The following ELF2 variants were observed in gnomAD, a reference collection of about 807,000 sequenced individuals.
The protein encoded by ELF2 is ETS-related transcription factor Elf-2.
ELF2 carries 11 observed loss-of-function variants against 54.8 expected under a neutral mutation model. The observed-to-expected ratio is 0.20, with a 90% CI of 0.13 to 0.33. The LOEUF is 0.33. Ranked by LOEUF, ELF2 falls within the 10% of genes least tolerant of loss-of-function variation. ELF2 has a pLI of 1.00. For missense variants in ELF2, 513 were observed against 703.0 expected, an observed-to-expected ratio of 0.73 and a Z score of 3.06; for synonymous variants, 203 against 245.1, an observed-to-expected ratio of 0.83 and a Z score of 1.61.
chr4:139,127,964 CAAAA>C (rs1174310299), intron 3 of ELF2, among the ~76,000 whole-genome samples: 1 of 76,828 alleles, frequency 1.3e-5, no homozygotes. Context: ...GACTCGGTCT[CAAAA>C]AAAAAAAAAA....
intron 1 of ELF2, among the ~76,000 whole-genome samples, chr4:139,146,642 A>T (rs1739248542): frequency 6.6e-6 from 1 of 152,258 alleles, no homozygotes; most frequent in Non-Finnish European, 1.5e-5. Flanking sequence ...GGCTATAGTT[A>T]ACAAAACAGC....
At chr4:139,096,161 A>C (rs570321594) in intron 4 of ELF2, among the ~76,000 whole-genome samples, 32 of 150,144 alleles carry the variant, frequency 2.1e-4, no homozygotes, top group East Asian at 7.9e-4. Flanking sequence ...AGTTTGACCC[A>C]AAAAAAAAAT....
chr4:139,170,984 G>A (rs565643727), intron 1 of ELF2, among the ~76,000 whole-genome samples: 1 of 152,000 alleles, frequency 6.6e-6, no homozygotes, highest in African/African-American at 2.4e-5. Flanking sequence ...GACCTCAGGT[G>A]ATCCACCCAC....
At chr4:139,063,004 CCAGCACT>C (rs1728108736) in intron 7 of ELF2, among the ~76,000 whole-genome samples, 1 of 152,108 alleles carries the variant, frequency 6.6e-6, no homozygotes, top group Non-Finnish European at 1.5e-5. Context: ...ACCTGTAATC[CCAGCACT>C]TTGGGAGGCC....
rs557660280 is a variant in ELF2 at position 139,075,140 on chromosome 4, C to T, written c.239-1573G>A. On this transcript the variant is annotated intron_variant, in intron 4 of 9. Transcript: ENST00000686138. ...AAATTCTACCACGCTTTGTATCTCT[C>T]CTCTTCTAGCACTTCCTTTATGCTT... Among the ~76,000 whole-genome samples the T allele has an allele frequency of 4.6e-5, 7 of 152,314 alleles. No individual in the cohort carries two copies. The East Asian group carries it at 1.4e-3, about 29-fold the overall frequency.
At chr4:139,137,181 G>C (rs1024298691) in intron 3 of ELF2, 1 of 155,252 alleles carries the variant, frequency 6.4e-6, no homozygotes, top group Non-Finnish European at 1.4e-5. Context: ...GTGTTTAAAT[G>C]AGATTAAAAT....
At chr4:139,150,068 A>T (rs1170190559) in intron 1 of ELF2, among the ~76,000 whole-genome samples, 1 of 152,030 alleles carries the variant, frequency 6.6e-6, no homozygotes, top group Non-Finnish European at 1.5e-5. Context: ...GGCCAGGCAC[A>T]GTGGCTCACG....
chr4:139,086,063 AAGTT>A (rs1357897466), intron 4 of ELF2, among the ~76,000 whole-genome samples: 3 of 152,356 alleles, frequency 2.0e-5, no homozygotes, highest in Admixed American at 2.0e-4. Context: ...GTTATAAAAA[AAGTT>A]AAATCCATTT....
chr4:139,166,480 A>C (rs1364524490), intron 1 of ELF2, among the ~76,000 whole-genome samples: 2 of 152,218 alleles, frequency 1.3e-5, no homozygotes, highest in Non-Finnish European at 2.9e-5. Context: ...ATACATTTCT[A>C]ATAACTTTAA....
At chr4:139,121,163 C>T (rs950338864) in intron 4 of ELF2, among the ~76,000 whole-genome samples, 3 of 121,674 alleles carry the variant, frequency 2.5e-5, no homozygotes, top group East Asian at 4.9e-4. Context: ...GGCTGGAGTG[C>T]AGTGGCGCGA....
chr4:139,084,463 T>G (rs928335910), intron 4 of ELF2: 67 of 652,626 alleles, frequency 1.0e-4, no homozygotes, highest in Middle Eastern at 1.3e-3. Flanking sequence ...CGGCGGCGGC[T>G]GTGGCTGTGG....
At chr4:139,093,015 G>C (rs1288328778) in intron 4 of ELF2, among the ~76,000 whole-genome samples, 1 of 149,530 alleles carries the variant, frequency 6.7e-6, no homozygotes, top group Non-Finnish European at 1.5e-5. Context: ...GCCCAGGTTG[G>C]AGTGCAGTGG....
At chr4:139,073,651 TC>T in intron 4 of ELF2, 84 bp from the exon 5 acceptor site, 1 of 645,568 alleles carries the variant, frequency 1.5e-6, no homozygotes, top group East Asian at 3.2e-5. Context: ...ACATATTCAC[TC>T]CTGAAAGAGA....
intron 4 of ELF2, among the ~76,000 whole-genome samples, chr4:139,113,222 G>A (rs575062327): frequency 2.0e-5 from 3 of 152,188 alleles, no homozygotes; most frequent in East Asian, 1.9e-4. Context: ...GCTGAGTGTC[G>A]TGGCATTTGC....
intron 4 of ELF2, chr4:139,115,248 G>T: frequency 6.2e-7 from 1 of 1,609,040 alleles, no homozygotes; most frequent in Non-Finnish European, 8.5e-7. Flanking sequence ...CGTCCGCGCC[G>T]CCCGGGCCCT....
At chr4:139,082,883 A>T (rs1217564823) in intron 4 of ELF2, among the ~76,000 whole-genome samples, 1 of 152,214 alleles carries the variant, frequency 6.6e-6, no homozygotes, top group Non-Finnish European at 1.5e-5. Context: ...TCTGCTATTA[A>T]GCAAAGCTGC....
At chr4:139,129,871 A>G (rs1412050289) in intron 3 of ELF2, among the ~76,000 whole-genome samples, 1 of 152,208 alleles carries the variant, frequency 6.6e-6, no homozygotes, top group African/African-American at 2.4e-5. Flanking sequence ...GGAAAGTTTA[A>G]CAAATTAAAC....
chr4:139,151,074 A>AAG (rs1209062793), intron 1 of ELF2, among the ~76,000 whole-genome samples: 2 of 130,894 alleles, frequency 1.5e-5, no homozygotes, highest in African/African-American at 5.3e-5. Context: ...GAAAGAAAGA[A>AAG]AGAAAGAAAG....
intron 4 of ELF2, among the ~76,000 whole-genome samples, chr4:139,082,376 A>T (rs1188614672): frequency 6.6e-6 from 1 of 152,238 alleles, no homozygotes; most frequent in Non-Finnish European, 1.5e-5. Flanking sequence ...AAAGGAATCA[A>T]GTTCTCATTG....
Sources: gnomAD v4.1 joint callset for allele counts (sites outside exome capture counted in the v4.1 genomes callset) on GRCh38, gnomAD v4.1.1 for gene constraint, MANE v1.5 for transcripts, NCBI Gene and HGNC (gene_info 2026-07-23, HGNC 2026-07-21) for gene names.